Variants in NIPBL observed in about 807,000 individuals in gnomAD.
The protein encoded by NIPBL is nipped-B-like protein.
Under a neutral mutation model 321.8 loss-of-function variants are expected in NIPBL, and 19 were observed. That is an observed-to-expected ratio of 0.06 (90% CI 0.04 to 0.09). The LOEUF (loss-of-function observed/expected upper bound fraction) is 0.09, where lower values mean the gene tolerates loss of function less well. NIPBL is among the 10% of genes least tolerant of loss of function. The pLI is 1.00. For synonymous variants in NIPBL, 1,106 were observed against 1,114.1 expected (o/e 0.99, Z 0.14); for missense variants, 2,210 against 3,327.0 (o/e 0.66, Z 8.26).
intron 4 of NIPBL, among the ~76,000 whole-genome samples, chr5:36,960,553 A>G (rs1741500966): frequency 6.6e-6 from 1 of 152,192 alleles, no homozygotes; most frequent in African/African-American, 2.4e-5. Flanking sequence ...ACCTAATTTC[A>G]TTCAGCTACA....
At chr5:36,995,298 G>A (rs572464947) in intron 10 of NIPBL, 1 of 214,232 alleles carries the variant, frequency 4.7e-6, no homozygotes, top group Admixed American at 5.5e-5. Context: ...ACTTGCTAAT[G>A]TCAGTGAATC....
intron 1 of NIPBL, among the ~76,000 whole-genome samples, chr5:36,893,350 C>G (rs1388039843): frequency 6.6e-6 from 1 of 152,134 alleles, no homozygotes; most frequent in Non-Finnish European, 1.5e-5. Flanking sequence ...AGCAGTCAAA[C>G]TGATGTATCC....
At chr5:36,906,844 A>G (rs942752894) in intron 1 of NIPBL, among the ~76,000 whole-genome samples, 1 of 152,164 alleles carries the variant, frequency 6.6e-6, no homozygotes, top group Non-Finnish European at 1.5e-5. Context: ...CTCAAGGGGA[A>G]TTATTGTTAA....
chr5:36,897,059 A>G (rs975417141), intron 1 of NIPBL, among the ~76,000 whole-genome samples: 6 of 151,324 alleles, frequency 4.0e-5, no homozygotes, highest in African/African-American at 1.5e-4. Flanking sequence ...CTGCAGTGCA[A>G]TGGCACGATC....
rs769111441 is a variant in NIPBL at position 37,036,368 on chromosome 5, T to C, written c.5863-11T>C. ...ATATGTATATATATATATATATATA[T>C]GTATATATAGTTGTTGAAGTCCGAA... On this transcript the variant is annotated splice_polypyrimidine_tract_variant and intron_variant, in intron 32 of 46. Transcript: ENST00000282516. 6 of 681,932 alleles carry C rather than the reference T, an allele frequency of 8.8e-6. No individual in the cohort carries two copies. The South Asian group carries it at 1.5e-4, about 17-fold the overall frequency. 42.2% of individuals were successfully genotyped at this position (681,932 alleles called of 1,614,324 possible).
chr5:37,063,693 C>T (rs1433078690), intron 45 of NIPBL, 97 bp from the exon 46 acceptor site: 3 of 1,228,624 alleles, frequency 2.4e-6, no homozygotes, highest in Non-Finnish European at 3.5e-6. Flanking sequence ...GTCTGTTTCA[C>T]CCACACCAAA....
rs1746671808 is a variant in NIPBL, at chr5:37,000,567, G to A, written c.3499G>A (p.Glu1167Lys). The A allele has an allele frequency of 1.2e-6, 2 of 1,613,062 alleles. No homozygotes were observed. The highest frequency in any genetic ancestry group is 1.7e-6 in the Non-Finnish European group (2 of 1,179,388). Reference sequence around the variant, plus strand: ...TTATTCTCCTCCTCCCAGCCTTAGTGAGGGTAATTCATCAGTGTCAACGGA... The same window carrying A: ...TTATTCTCCTCCTCCCAGCCTTAGTAAGGGTAATTCATCAGTGTCAACGGA... ...EDYSPPPSLSEVARKMKKKEK... is the reference protein window; with the variant it reads ...EDYSPPPSLSKVARKMKKKEK... Residue 1167 changes from glutamate to lysine, a missense_variant, in exon 12 of 47, where the codon GAG becomes AAG. By Grantham distance (56) the Glu-to-Lys change is moderately conservative. Transcript: ENST00000282516.
intron 32 of NIPBL, among the ~76,000 whole-genome samples, chr5:37,031,765 A>G (rs1233111794): frequency 3.3e-5 from 5 of 152,252 alleles, no homozygotes; most frequent in Non-Finnish European, 7.3e-5. Flanking sequence ...AGTACTCCAC[A>G]TCAAAAAGGA....
intron 10 of NIPBL, among the ~76,000 whole-genome samples, chr5:36,986,888 G>C (rs1196774587): frequency 6.6e-6 from 1 of 152,008 alleles, no homozygotes; most frequent in Non-Finnish European, 1.5e-5. Context: ...GTGGGAGGCG[G>C]GGGACTGGTG....
At position 36,971,827 on chromosome 5, in the gene NIPBL, G is replaced by A. The variant is rs1580361522; in HGVS notation, c.772-118G>A. 2.7e-6 allele frequency: 4 copies of A among 1,499,600 alleles called. No individual in the cohort carries two copies. The East Asian group carries it at 7.4e-5, about 28-fold the overall frequency. 92.9% of individuals were successfully genotyped at this position (1,499,600 alleles called of 1,614,324 possible). On this transcript the variant is annotated intron_variant, in intron 7 of 46. Coordinates refer to ENST00000282516, the MANE Select transcript of NIPBL (RefSeq NM_133433.4). ...AAACAGGAAAGTGCAGAAGAATTAT[G>A]CTTTTGAATTCCAACACTTTACCTG... is the stretch of plus-strand genomic sequence containing the variant.
chr5:37,002,880 CATT>C (rs1257049576), intron 15 of NIPBL, 115 bp downstream of exon 15: 3 of 679,222 alleles, frequency 4.4e-6, no homozygotes, highest in African/African-American at 1.8e-5. Flanking sequence ...AAAGAAAACT[CATT>C]GTTGACTTCT....
Position 37,000,904 on chromosome 5 carries a change from AT to A in NIPBL, c.3574+19del, listed in dbSNP as rs1561138605. ...ACACCTGAAGGTAACACGTTAGTTT[AT>A]TTAATTTGTCTTTATTCATATTCTT... On this transcript the variant is annotated intron_variant, in intron 13 of 46. Transcript: ENST00000282516. The A allele has an allele frequency of 6.2e-7, 1 of 1,601,584 alleles. No individual in the cohort carries two copies. Among genetic ancestry groups the A allele is most frequent in the Admixed American group, 1.7e-5 (1 of 59,822 alleles).
intron 1 of NIPBL, among the ~76,000 whole-genome samples, chr5:36,948,471 A>G (rs1205384038): frequency 1.3e-5 from 2 of 151,968 alleles, no homozygotes; most frequent in African/African-American, 4.8e-5. Flanking sequence ...AGTAGAGTTT[A>G]AAGCAATTTA....
chr5:37,039,562 A>T (rs1561198083), intron 34 of NIPBL, among the ~76,000 whole-genome samples: 1 of 152,094 alleles, frequency 6.6e-6, no homozygotes, highest in Non-Finnish European at 1.5e-5. Context: ...TTTTACAGAT[A>T]AGGAAACTGA....
chr5:37,032,162 T>C (rs75340493), intron 32 of NIPBL, among the ~76,000 whole-genome samples: 2,785 of 152,306 alleles, frequency 0.018, 73 homozygotes, highest in African/African-American at 0.057. Context: ...AAGTTGACGA[T>C]TGAGAACAAC....
At chr5:36,924,066 ATTTG>A (rs1490040339) in intron 1 of NIPBL, among the ~76,000 whole-genome samples, 2 of 152,108 alleles carry the variant, frequency 1.3e-5, no homozygotes, top group African/African-American at 4.8e-5. Context: ...GGATTTTCTT[ATTTG>A]TTAACATGAT....
Position 37,023,750 on chromosome 5 carries a change from CTTTTTTTTTTT to C in NIPBL, c.5575-820_5575-810del, listed in dbSNP as rs779595045. Among the ~76,000 whole-genome samples, 7 of 75,878 alleles carry C rather than the reference CTTTTTTTTTTT, an allele frequency of 9.2e-5. No homozygotes were observed. The East Asian group carries it at 2.0e-3, about 22-fold the overall frequency. 49.8% of individuals were successfully genotyped at this position (75,878 alleles called of 152,430 possible). Reference sequence around the variant, plus strand: ...TAAAATTGAAGACTATTTTCTTATTCTTTTTTTTTTTTTTTTTTTTTTTTTACATCCCATAT... The same window carrying C: ...TAAAATTGAAGACTATTTTCTTATTCTTTTTTTTTTTTTTACATCCCATAT... On this transcript the variant is annotated intron_variant, in intron 29 of 46. Coordinates refer to ENST00000282516, the MANE Select transcript of NIPBL (RefSeq NM_133433.4).
At chr5:36,901,512 T>C (rs7444817) in intron 1 of NIPBL, among the ~76,000 whole-genome samples, 18,623 of 137,922 alleles carry the variant, frequency 0.14, 1,649 homozygotes, top group Non-Finnish European at 0.2. Flanking sequence ...TTTTTTTTTT[T>C]TTTTTTTTTT....
intron 29 of NIPBL, among the ~76,000 whole-genome samples, chr5:37,022,976 G>A (rs941601956): frequency 1.3e-5 from 2 of 152,200 alleles, no homozygotes; most frequent in Non-Finnish European, 2.9e-5. Context: ...GGAAACATTG[G>A]CATTAGGAAA....
Sources: allele counts gnomAD v4.1 joint callset (sites outside exome capture counted in the v4.1 genomes callset), GRCh38; gene constraint gnomAD v4.1.1; transcripts MANE v1.5; gene names NCBI Gene and HGNC (gene_info 2026-07-23, HGNC 2026-07-21).